Variants in MAK observed in about 807,000 individuals in gnomAD.
The protein encoded by MAK is male germ cell associated kinase.
A neutral mutation model predicts 82.6 loss-of-function variants in MAK; 65 were observed. The ratio of observed to expected loss-of-function variants is 0.79; its 90% CI spans 0.64 to 0.97. The LOEUF (loss-of-function observed/expected upper bound fraction) is 0.97, where lower values mean the gene tolerates loss of function less well. Among genes scored for constraint, MAK ranks in the 50% least tolerant of loss-of-function variants. The probability of loss-of-function intolerance (pLI) is 0.00; values close to 1 mark genes in which losing one functional copy is unlikely to be tolerated. For synonymous variants in MAK, 250 were observed against 274.2 expected (o/e 0.91, Z 0.87); for missense variants, 703 against 780.2 (o/e 0.90, Z 1.18).
intron 2 of MAK, among the ~76,000 whole-genome samples, chr6:10,826,243 C>T (rs1268129621): frequency 6.6e-6 from 1 of 151,706 alleles, no homozygotes; most frequent in Non-Finnish European, 1.5e-5. Flanking sequence ...CATTTCCCCC[C>T]ACCCCCCCTT....
intron 1 of MAK, among the ~76,000 whole-genome samples, chr6:10,831,254 T>A (rs1399859998): frequency 6.6e-6 from 1 of 152,202 alleles, no homozygotes; most frequent in Non-Finnish European, 1.5e-5. Flanking sequence ...TTTAAAACTG[T>A]ACTACTTGTA....
intron 2 of MAK, among the ~76,000 whole-genome samples, chr6:10,823,057 CT>C (rs943085317): frequency 6.6e-6 from 1 of 152,206 alleles, no homozygotes; most frequent in Non-Finnish European, 1.5e-5. Flanking sequence ...GACTGCATTT[CT>C]AGACCGCTCA....
chr6:10,780,307 A>G (rs1187160288), intron 11 of MAK: 1 of 911,332 alleles, frequency 1.1e-6, no homozygotes, highest in East Asian at 1.2e-4. Context: ...AGAAAACCAC[A>G]TTAGGAAGCA....
chr6:10,773,002 C>A, intron 13 of MAK, 32 bp downstream of exon 13: 1 of 1,396,218 alleles, frequency 7.2e-7, no homozygotes, highest in Middle Eastern at 1.7e-4. Flanking sequence ...ATTCAAAGAA[C>A]AAACTGCATT....
At chr6:10,827,104 C>T (rs145429684) in intron 2 of MAK, among the ~76,000 whole-genome samples, 1,872 of 152,162 alleles carry the variant, frequency 0.012, 41 homozygotes, top group African/African-American at 0.043. Flanking sequence ...AGCAAGAATC[C>T]ATCTCAAAAC....
chr6:10,818,042 G>C (rs1777628265), intron 3 of MAK, 71 bp from the exon 4 acceptor site: 1 of 861,374 alleles, frequency 1.2e-6, no homozygotes, highest in Non-Finnish European at 1.8e-6. Flanking sequence ...TTGCATCAAT[G>C]CTAAGTGTAA....
In MAK at chr6:10,769,458, CAGTT is replaced by C. The variant is rs146952107; in HGVS notation, c.1792+649_1792+652del. Among the ~76,000 whole-genome samples the C allele has an allele frequency of 1.7e-3, 263 of 152,314 alleles. 1 individual carries two copies. The highest frequency in any genetic ancestry group is 6.0e-3 in the African/African-American group (249 of 41,566). ...ACACCACTGGGGAGCAAGCTTACCT[CAGTT>C]AGGCATAACGCTGGAGGGTGGAGGG... On this transcript the variant is annotated intron_variant, in intron 14 of 14. Coordinates refer to ENST00000354489, the MANE Select transcript of MAK (RefSeq NM_001242957.3).
At chr6:10,781,306 C>G (rs1304589749) in intron 11 of MAK, among the ~76,000 whole-genome samples, 2 of 151,906 alleles carry the variant, frequency 1.3e-5, no homozygotes, top group Admixed American at 6.6e-5. Flanking sequence ...CTCTCACTTT[C>G]AAGAATCAAA....
chr6:10,773,595 T>C (rs1773200434), intron 12 of MAK, among the ~76,000 whole-genome samples: 1 of 152,162 alleles, frequency 6.6e-6, no homozygotes, highest in African/African-American at 2.4e-5. Context: ...TTTAAGTTGA[T>C]ATTTAAAATT....
chr6:10,815,065 T>A (rs1253925254), intron 4 of MAK, among the ~76,000 whole-genome samples: 1 of 151,508 alleles, frequency 6.6e-6, no homozygotes, highest in Non-Finnish European at 1.5e-5. Context: ...GAAAGAAATA[T>A]ATATGAGAGC....
intron 11 of MAK, among the ~76,000 whole-genome samples, chr6:10,778,038 A>G: frequency 6.6e-6 from 1 of 152,200 alleles, no homozygotes. Flanking sequence ...GGTACCTCCT[A>G]CAAACCAAAC....
chr6:10,765,920 T>G (rs1772391005), intron 14 of MAK, among the ~76,000 whole-genome samples: 1 of 152,234 alleles, frequency 6.6e-6, no homozygotes, highest in South Asian at 2.1e-4. Context: ...AATTTAAAAT[T>G]TCTTGAACAT....
Position 10,818,776 on chromosome 6 carries a change from CA to C in MAK, c.156+109del, listed in dbSNP as rs143538684. 6,295 of 712,302 alleles carry C rather than the reference CA, an allele frequency of 8.8e-3. 155 individuals are homozygous for C. The highest frequency in any genetic ancestry group is 0.046 in the African/African-American group (2,568 of 56,312). The allele number at this position is 712,302 out of a possible 1,614,324, so 44.1% of individuals were successfully genotyped here. A position where few individuals can be genotyped will look rare whatever the true frequency, so the allele number is the denominator to read the frequency against. On this transcript the variant is annotated intron_variant, in intron 3 of 14. Coordinates refer to ENST00000354489, the MANE Select transcript of MAK (RefSeq NM_001242957.3). ...TTAATTTAGGAATATAAAGGAAAAA[CA>C]AACAAAATTATCTTCAGAATGCTTC...
chr6:10,783,066 G>C (rs1774152523), intron 11 of MAK, among the ~76,000 whole-genome samples: 1 of 152,074 alleles, frequency 6.6e-6, no homozygotes, highest in Non-Finnish European at 1.5e-5. Flanking sequence ...GATGTGAAAA[G>C]CAAATCTTCC....
At chr6:10,815,912 G>GTATATATATATATATATATATATA (rs3064109) in intron 4 of MAK, among the ~76,000 whole-genome samples, 44 of 108,308 alleles carry the variant, frequency 4.1e-4, no homozygotes, top group African/African-American at 1.4e-3. Context: ...GCTTTATACA[G>GTATATATATATATATATATATATA]TATATATATA....
In MAK at chr6:10,834,408, G is replaced by A. The variant is rs78501510; in HGVS notation, c.-229-3531C>T. Among the ~76,000 whole-genome samples the A allele has an allele frequency of 1.0e-2, 1,521 of 152,254 alleles. 10 individuals are homozygous for A. Among genetic ancestry groups the A allele is most frequent in the Middle Eastern group, 0.017 (5 of 294 alleles). ...AGTTGCATTTGGCTTGATGTTGTTG[G>A]TTTTTCAGGGTCGTCTCCAACTTCT... On this transcript the variant is annotated intron_variant, in intron 1 of 14. Coordinates refer to ENST00000354489, the MANE Select transcript of MAK (RefSeq NM_001242957.3).
intron 6 of MAK, among the ~76,000 whole-genome samples, chr6:10,806,353 G>A (rs1326883135): frequency 2.6e-5 from 1 of 38,080 alleles, no homozygotes; most frequent in African/African-American, 6.2e-5. Context: ...TTTTGAGACA[G>A]AGTCTTGCTC....
chr6:10,813,623 T>A (rs778598600), intron 5 of MAK, 21 bp downstream of exon 5: 1 of 1,399,502 alleles, frequency 7.1e-7, no homozygotes, highest in Non-Finnish European at 1.0e-6. Context: ...GGTAGGGAAA[T>A]TAAACTTAAA....
At chr6:10,764,774 A>G (rs971613140) in intron 14 of MAK, among the ~76,000 whole-genome samples, 168 bp from the exon 15 acceptor site, 2 of 152,328 alleles carry the variant, frequency 1.3e-5, no homozygotes, top group African/African-American at 4.8e-5. Context: ...ATTCTAGTGT[A>G]GTATTATGTT....
Sources: allele counts gnomAD v4.1 joint callset (sites outside exome capture counted in the v4.1 genomes callset), GRCh38; gene constraint gnomAD v4.1.1; transcripts MANE v1.5; gene names NCBI Gene and HGNC (gene_info 2026-07-23, HGNC 2026-07-21).